CCDC27: variants seen among roughly 807,000 people sequenced by gnomAD.
The protein encoded by CCDC27 is coiled-coil domain-containing protein 27.
A neutral mutation model predicts 80.3 loss-of-function variants in CCDC27; 80 were observed. That is an observed-to-expected ratio of 1.00 (90% CI 0.83 to 1.20). The LOEUF is 1.20. CCDC27 is among the 50% of genes most tolerant of loss of function. CCDC27 has a pLI of 0.00. For missense variants in CCDC27, 815 were observed against 809.4 expected, an observed-to-expected ratio of 1.01 and a Z score of -0.08; for synonymous variants, 342 against 334.3, an observed-to-expected ratio of 1.02 and a Z score of -0.25.
chr1:3,770,562 G>T (rs1346395977), intron 11 of CCDC27, among the ~76,000 whole-genome samples: 3 of 152,232 alleles, frequency 2.0e-5, no homozygotes, highest in African/African-American at 7.2e-5. Flanking sequence ...GCTCTGTGTG[G>T]GGCTGTGTAC....
chr1:3,757,598 C>T lies in CCDC27; in HGVS notation c.711+708C>T, dbSNP rs572642394. 1.2e-3 allele frequency among the ~76,000 whole-genome samples: 181 copies of T among 152,116 alleles called. 1 individual carries two copies. The highest frequency in any genetic ancestry group is 4.1e-3 in the African/African-American group (170 of 41,516). On this transcript the variant is annotated intron_variant, in intron 4 of 11. Coordinates refer to ENST00000294600, the MANE Select transcript of CCDC27 (RefSeq NM_152492.3). Reference sequence around the variant, plus strand: ...CTGGGACTACAGGTGCGTACCACCACACCTGGCTACTTTTTGTATTTTTGT... The same window carrying T: ...CTGGGACTACAGGTGCGTACCACCATACCTGGCTACTTTTTGTATTTTTGT...
chr1:3,767,005 T>C (rs1005869732), intron 9 of CCDC27, among the ~76,000 whole-genome samples: 1 of 152,078 alleles, frequency 6.6e-6, no homozygotes, highest in Non-Finnish European at 1.5e-5. Flanking sequence ...CATGCCCAGC[T>C]AATTTTTGTA....
Position 3,766,745 on chromosome 1 carries a change from G to T in CCDC27, c.1530+133G>T, listed in dbSNP as rs142063412. On this transcript the variant is annotated intron_variant, in intron 9 of 11. Transcript: ENST00000294600. The surrounding 1 kb of genome is among the most constrained non-coding windows in gnomAD (Gnocchi z 6.1). Reference sequence around the variant, plus strand: ...GGACCCCTTCGGTAGCATGCCACTCGACAGATCTCTGCACCCCACGTCCAC... The same window carrying T: ...GGACCCCTTCGGTAGCATGCCACTCTACAGATCTCTGCACCCCACGTCCAC... 11 of 662,810 alleles carry T rather than the reference G, an allele frequency of 1.7e-5. No homozygotes were observed. In the South Asian group the frequency reaches 2.0e-4, roughly 12 times the overall value. 41.1% of individuals were successfully genotyped at this position (662,810 alleles called of 1,614,324 possible).
Position 3,754,232 on chromosome 1 carries a change from T to A in CCDC27, c.433T>A (p.Ser145Thr). ...GTTCAGCACCAGGGCCACATCCATG[T>A]CCCACTGTGGTAAGAGCCCCCCACC... ...PQFSTRATSM[S>T]HCGSPTEADL... is the part of the protein sequence containing the mutation. The change falls in exon 2 of 12, where the codon TCC becomes ACC. Residue 145 changes from serine to threonine, a missense_variant. Physicochemically the swap from Ser to Thr is moderately conservative, Grantham distance 58. Coordinates refer to ENST00000294600, the MANE Select transcript of CCDC27 (RefSeq NM_152492.3). 6.2e-7 allele frequency: 1 copy of A among 1,606,670 alleles called. No homozygotes were observed. Among genetic ancestry groups the A allele is most frequent in the Non-Finnish European group, 8.5e-7 (1 of 1,176,752 alleles).
chr1:3,753,482 G>A (rs1028589452), intron 1 of CCDC27, among the ~76,000 whole-genome samples: 5 of 151,892 alleles, frequency 3.3e-5, no homozygotes, highest in Admixed American at 2.6e-4. Flanking sequence ...CACCTTGCCC[G>A]GCTAATTTTA....
In CCDC27 at chr1:3,761,684, A is replaced by G. The variant is rs1015360048; in HGVS notation, c.861+254A>G. Reference sequence around the variant, plus strand: ...GGGGAGAGATGAATGGAGGCGCAAAATGACAAATGAGAGCCGTGAGCCGAT... The same window carrying G: ...GGGGAGAGATGAATGGAGGCGCAAAGTGACAAATGAGAGCCGTGAGCCGAT... On this transcript the variant is annotated intron_variant, in intron 5 of 11. Coordinates refer to ENST00000294600, the MANE Select transcript of CCDC27 (RefSeq NM_152492.3). The surrounding 1 kb of genome is among the most constrained non-coding windows in gnomAD (Gnocchi z 5.0). Among the ~76,000 whole-genome samples the G allele has an allele frequency of 7.9e-5, 12 of 152,066 alleles. No homozygotes were observed. Among genetic ancestry groups the G allele is most frequent in the Admixed American group, 6.5e-4 (10 of 15,268 alleles).
Position 3,761,133 on chromosome 1 carries a change from C to T in CCDC27, c.712-148C>T, listed in dbSNP as rs1439024977. On this transcript the variant is annotated intron_variant, in intron 4 of 11. Transcript: ENST00000294600. This position sits in a 1 kb window ranked among gnomAD's most constrained non-coding sequence, Gnocchi z 5.0. ...CAGATGTGTAGTGCTAGCTCTTTAC[C>T]GCAGTACCTATCTTGAAATCCCTGG... 16 of 839,218 alleles carry T rather than the reference C, an allele frequency of 1.9e-5. No homozygotes were observed. Among genetic ancestry groups the T allele is most frequent in the African/African-American group, 8.6e-5 (5 of 58,058 alleles). 52.0% of individuals were successfully genotyped at this position (839,218 alleles called of 1,614,324 possible).
chr1:3,765,618 C>CT (rs907297334), intron 8 of CCDC27, among the ~76,000 whole-genome samples: 9 of 152,150 alleles, frequency 5.9e-5, no homozygotes, highest in African/African-American at 2.2e-4. Context: ...GAAGCGCACT[C>CT]TTGTTTGGCT....
rs764709748 is a variant in CCDC27 at position 3,769,855 on chromosome 1, A to T, written c.1816A>T (p.Ile606Phe). ...CGGGACCAAGTCCTTGGCCAACGAG[A>T]TCTCTGACAATGACATCCTGGAAGC... The part of the protein sequence containing the change: ...ISGTKSLANE[I>F]SDNDILEALQ... Residue 606 changes from isoleucine to phenylalanine, a missense_variant, in exon 11 of 12, where the codon ATC becomes TTC. Ile to Phe is a conservative substitution (Grantham distance 21). Coordinates refer to ENST00000294600, the MANE Select transcript of CCDC27 (RefSeq NM_152492.3). The surrounding 1 kb of genome is among the most constrained non-coding windows in gnomAD (Gnocchi z 4.6). The T allele has an allele frequency of 6.2e-7, 1 of 1,613,846 alleles. No homozygotes were observed. Among genetic ancestry groups the T allele is most frequent in the Admixed American group, 1.7e-5 (1 of 59,988 alleles).
chr1:3,761,435 G>C lies in CCDC27; in HGVS notation c.861+5G>C. The C allele has an allele frequency of 6.2e-7, 1 of 1,613,282 alleles. No homozygotes were observed. The highest frequency in any genetic ancestry group is 8.5e-7 in the Non-Finnish European group (1 of 1,179,852). On this transcript the variant is annotated splice_donor_5th_base_variant and intron_variant, in intron 5 of 11. Transcript: ENST00000294600. The surrounding 1 kb of genome is among the most constrained non-coding windows in gnomAD (Gnocchi z 5.0). ...TCCATGTCCCCAGGCAGGAGGGTGAGCCAGCCCCAGCGGGGCACAGCGCAG... is the reference window on the plus strand; with the variant it reads ...TCCATGTCCCCAGGCAGGAGGGTGACCCAGCCCCAGCGGGGCACAGCGCAG...
chr1:3,756,658 G>A (rs1457496927), intron 3 of CCDC27, 75 bp from the exon 4 acceptor site: 1 of 1,528,574 alleles, frequency 6.5e-7, no homozygotes, highest in East Asian at 2.3e-5. Context: ...AAGGGTGGAT[G>A]TCGTCATCGA....
chr1:3,759,552 C>T (rs1240555212), intron 4 of CCDC27, among the ~76,000 whole-genome samples: 1 of 152,158 alleles, frequency 6.6e-6, no homozygotes, highest in Non-Finnish European at 1.5e-5. Flanking sequence ...GTGTCTGCTT[C>T]CTTCTTTCTC....
chr1:3,769,994 T>C lies in CCDC27; in HGVS notation c.1848+107T>C, dbSNP rs1303225306. The C allele has an allele frequency of 3.1e-5, 25 of 794,826 alleles. No individual in the cohort carries two copies. Among genetic ancestry groups the C allele is most frequent in the Non-Finnish European group, 5.5e-5 (25 of 453,654 alleles). 49.2% of individuals were successfully genotyped at this position (794,826 alleles called of 1,614,324 possible). A position where few individuals can be genotyped will look rare whatever the true frequency, so the allele number is the denominator to read the frequency against. ...GATTCCAGGGACTCTGTTCTCATCC[T>C]ACCTGTGTCACCTATTCACTTGGAC... On this transcript the variant is annotated intron_variant, in intron 11 of 11. Transcript: ENST00000294600. The surrounding 1 kb of genome is among the most constrained non-coding windows in gnomAD (Gnocchi z 4.6).
rs142578610 is a variant in CCDC27 at position 3,767,264 on chromosome 1, A to G, written c.1562A>G (p.Lys521Arg). 1.2e-5 allele frequency: 19 copies of G among 1,614,028 alleles called. No individual in the cohort carries two copies. In the South Asian group the frequency reaches 1.2e-4, roughly 10 times the overall value. Reference sequence around the variant, plus strand: ...TCGGAACTGGAGAGAAAGCTCACCAAGCGGGACTGTGTCATCTCAGAGTTG... The same window carrying G: ...TCGGAACTGGAGAGAAAGCTCACCAGGCGGGACTGTGTCATCTCAGAGTTG... ...QVSELERKLT[K>R]RDCVISELDT... is the part of the protein sequence containing the mutation. The change falls in exon 10 of 12, where the codon AAG (lysine) becomes AGG (arginine). Residue 521 changes from lysine (K) to arginine (R), a missense_variant. Lys to Arg is a conservative substitution (Grantham distance 26). Transcript: ENST00000294600.
intron 10 of CCDC27, 81 bp downstream of exon 10, chr1:3,767,526 G>A (rs945978869): frequency 5.7e-5 from 74 of 1,287,474 alleles, no homozygotes; most frequent in Non-Finnish European, 7.7e-5. Flanking sequence ...CGCCCACCGA[G>A]GTAGAACCGG....
rs1643112921 is a variant in CCDC27 at position 3,762,533 on chromosome 1, G to GCTGTCCCTTCTAGGACAGGCAGTGGT, written c.862-78_862-53dup. ...GTCCCCTCCCCAGACATGAGAGGCC[G>GCTGTCCCTTCTAGGACAGGCAGTGGT]CTGTCCCTTCTAGGACAGGCAGTGG... On this transcript the variant is annotated intron_variant, in intron 5 of 11. Transcript: ENST00000294600. The GCTGTCCCTTCTAGGACAGGCAGTGGT allele has an allele frequency of 8.6e-6, 9 of 1,045,466 alleles. No homozygotes were observed. In the African/African-American group the frequency reaches 1.1e-4, roughly 13 times the overall value. 64.8% of individuals were successfully genotyped at this position (1,045,466 alleles called of 1,614,324 possible).
intron 4 of CCDC27, among the ~76,000 whole-genome samples, chr1:3,757,960 G>T (rs1642997694): frequency 6.6e-6 from 1 of 150,838 alleles, no homozygotes; most frequent in Admixed American, 6.6e-5. Context: ...TCCCCATGTT[G>T]CCCAGGCAGG....
rs1444378998 is a variant in CCDC27 at position 3,763,931 on chromosome 1, T to C, written c.1452+95T>C. 3 of 1,506,168 alleles carry C rather than the reference T, an allele frequency of 2.0e-6. No individual in the cohort carries two copies. The highest frequency in any genetic ancestry group is 4.8e-5 in the East Asian group (2 of 41,604). 93.3% of individuals were successfully genotyped at this position (1,506,168 alleles called of 1,614,324 possible). On this transcript the variant is annotated intron_variant, in intron 8 of 11. Transcript: ENST00000294600. The surrounding 1 kb of genome is among the most constrained non-coding windows in gnomAD (Gnocchi z 7.5). ...CTCGGGGCAGGCGCTGCCCGTCCCA[T>C]CTACTGATGGAGACTTTGAGCCTGG...
chr1:3,771,599 G>A lies in CCDC27; in HGVS notation c.*76G>A. 1.3e-6 allele frequency: 2 copies of A among 1,512,908 alleles called. No homozygotes were observed. The highest frequency in any genetic ancestry group is 1.2e-5 in the South Asian group (1 of 85,886). 93.7% of individuals were successfully genotyped at this position (1,512,908 alleles called of 1,614,324 possible). ...CTCCAGAACCACCCGCCCCCACCATGCGTCCTGCTCTCAGACTCAGAATTA... is the reference window on the plus strand; with the variant it reads ...CTCCAGAACCACCCGCCCCCACCATACGTCCTGCTCTCAGACTCAGAATTA... On this transcript the variant is annotated 3_prime_UTR_variant, in exon 12 of 12. Transcript: ENST00000294600.
Sources: allele counts gnomAD v4.1 joint callset (sites outside exome capture counted in the v4.1 genomes callset), GRCh38; gene constraint gnomAD v4.1.1; non-coding constraint Gnocchi (gnomAD v3.1); transcripts MANE v1.5; gene names NCBI Gene and HGNC (gene_info 2026-07-23, HGNC 2026-07-21).